The following MRTFA variants were observed in gnomAD, a reference collection of about 807,000 sequenced individuals.
MRTFA encodes the protein myocardin related transcription factor A, also known as myocardin-related transcription factor A.
Under a neutral mutation model 83.5 loss-of-function variants are expected in MRTFA, and 20 were observed. That is an observed-to-expected ratio of 0.24 (90% CI 0.17 to 0.35). MRTFA has a LOEUF of 0.35. Ranked by LOEUF, MRTFA falls within the 10% of genes least tolerant of loss-of-function variation. The pLI, the probability that MRTFA is intolerant of heterozygous loss-of-function variation, is 1.00. For missense variants in MRTFA, 1,200 were observed against 1,224.7 expected (o/e 0.98, Z 0.30); for synonymous variants, 659 against 541.2 (o/e 1.22, Z -3.02).
At chr22:40,528,097 G>GT (rs1242707895) in intron 3 of MRTFA, among the ~76,000 whole-genome samples, 1 of 152,164 alleles carries the variant, frequency 6.6e-6, no homozygotes, top group Admixed American at 6.5e-5. Flanking sequence ...CATCATTAAA[G>GT]TATGAGATCA....
chr22:40,587,790 T>C (rs1347628482), intron 2 of MRTFA: 2 of 340,144 alleles, frequency 5.9e-6, no homozygotes, highest in Non-Finnish European at 5.8e-6. Context: ...GACCCAACTC[T>C]GCCAGTACCC....
intron 3 of MRTFA, among the ~76,000 whole-genome samples, chr22:40,497,084 C>G (rs983660692): frequency 6.6e-6 from 1 of 152,202 alleles, no homozygotes; most frequent in African/African-American, 2.4e-5. Context: ...ATGGAGTTGA[C>G]ACTACAGGCT....
At chr22:40,538,434 A>G (rs1018987046) in intron 3 of MRTFA, among the ~76,000 whole-genome samples, 3 of 151,040 alleles carry the variant, frequency 2.0e-5, no homozygotes, top group Non-Finnish European at 3.0e-5. Flanking sequence ...ACACTGCAGA[A>G]GGCCGCAGGG....
chr22:40,512,190 G>A (rs2054679291), intron 3 of MRTFA, among the ~76,000 whole-genome samples: 1 of 152,160 alleles, frequency 6.6e-6, no homozygotes. Flanking sequence ...GGCTAAAAGA[G>A]ATTAAGATCA....
rs1415767629 is a variant in MRTFA at position 40,420,990 on chromosome 22, C to T, written c.1038G>A (p.Gln346=). 1.2e-6 allele frequency: 2 copies of T among 1,609,254 alleles called. No individual in the cohort carries two copies. The highest frequency in any genetic ancestry group is 2.7e-5 in the African/African-American group (2 of 74,998). Reference sequence around the variant, plus strand: ...TGGGGGGTGCCCCCCTGTCCTGCTTCTGGTCCGGGGGGATGTACTGGTGGT... The same window carrying T: ...TGGGGGGTGCCCCCCTGTCCTGCTTTTGGTCCGGGGGGATGTACTGGTGGT... Residue 346 remains glutamine, a synonymous_variant, in exon 10 of 15, where the codon CAG becomes CAA. Transcript: ENST00000355630.
intron 7 of MRTFA, among the ~76,000 whole-genome samples, chr22:40,428,611 G>A (rs533573154): frequency 5.3e-5 from 8 of 152,104 alleles, no homozygotes; most frequent in Admixed American, 2.6e-4. Flanking sequence ...ACTCTTGGAC[G>A]CAAGCGATCT....
At chr22:40,605,958 G>A (rs2147403527) in intron 1 of MRTFA, among the ~76,000 whole-genome samples, 1 of 152,284 alleles carries the variant, frequency 6.6e-6, no homozygotes, top group South Asian at 2.1e-4. Flanking sequence ...TCAGCTTCTT[G>A]ATTGAAAGGA....
At position 40,418,946 on chromosome 22, in the gene MRTFA, C is replaced by A. The variant is rs199750225; in HGVS notation, c.1792G>T (p.Val598Leu). 9 of 1,612,886 alleles carry A rather than the reference C, an allele frequency of 5.6e-6. No individual in the cohort carries two copies. The highest frequency in any genetic ancestry group is 6.8e-6 in the Non-Finnish European group (8 of 1,179,942). ...CCGGCCCGGGGGCCCTCCTCCTTCACGAGGATCTGCAGTGGCGAGGCCTGC... is the reference window on the plus strand; with the variant it reads ...CCGGCCCGGGGGCCCTCCTCCTTCAAGAGGATCTGCAGTGGCGAGGCCTGC... Residue 598 changes from valine (V) to leucine (L), a missense_variant, in exon 12 of 15, where the codon GTG becomes TTG. Physicochemically the swap from Val to Leu is conservative, Grantham distance 32. Transcript: ENST00000355630.
intron 4 of MRTFA, among the ~76,000 whole-genome samples, chr22:40,436,635 T>C (rs2053175266): frequency 6.6e-6 from 1 of 152,182 alleles, no homozygotes; most frequent in South Asian, 2.1e-4. Context: ...TGACTCCTTT[T>C]GTCAAAAACT....
chr22:40,570,151 T>G (rs555150194), intron 2 of MRTFA, among the ~76,000 whole-genome samples: 158 of 152,192 alleles, frequency 1.0e-3, no homozygotes, highest in African/African-American at 3.7e-3. Flanking sequence ...ATACATAAGT[T>G]TTAGCTAAAT....
At chr22:40,469,865 G>T (rs1170754684) in intron 3 of MRTFA, among the ~76,000 whole-genome samples, 1 of 152,042 alleles carries the variant, frequency 6.6e-6, no homozygotes, top group Non-Finnish European at 1.5e-5. Context: ...ATCGCTTGAG[G>T]CCAGGAGTCA....
At chr22:40,423,266 A>T (rs2052880306) in intron 9 of MRTFA, among the ~76,000 whole-genome samples, 1 of 152,182 alleles carries the variant, frequency 6.6e-6, no homozygotes, top group African/African-American at 2.4e-5. Flanking sequence ...AGTGAACAAG[A>T]CATAATGTGT....
At chr22:40,494,516 C>T (rs2054318862) in intron 3 of MRTFA, among the ~76,000 whole-genome samples, 1 of 151,874 alleles carries the variant, frequency 6.6e-6, no homozygotes, top group Admixed American at 6.6e-5. Context: ...CTCTTCTCTA[C>T]AAAAACCTTA....
At chr22:40,474,955 C>A (rs764105653) in intron 3 of MRTFA, among the ~76,000 whole-genome samples, 7 of 152,090 alleles carry the variant, frequency 4.6e-5, no homozygotes, top group Non-Finnish European at 1.0e-4. Context: ...TCTCCTGCCT[C>A]AGCCATCCGA....
At chr22:40,494,592 C>A (rs2054320076) in intron 3 of MRTFA, among the ~76,000 whole-genome samples, 1 of 151,522 alleles carries the variant, frequency 6.6e-6, no homozygotes, top group Non-Finnish European at 1.5e-5. Flanking sequence ...AAGGTAGGAG[C>A]ATCACTCGAG....
At chr22:40,430,829 C>A (rs1035644779) in intron 6 of MRTFA, among the ~76,000 whole-genome samples, 1 of 145,020 alleles carries the variant, frequency 6.9e-6, no homozygotes, top group Non-Finnish European at 1.5e-5. Flanking sequence ...CTACTGCACT[C>A]CAGCCTGAGC....
rs915026608 is a variant in MRTFA at position 40,601,883 on chromosome 22, T to C, written c.-83-7148A>G. Among the ~76,000 whole-genome samples the C allele has an allele frequency of 2.0e-5, 3 of 152,120 alleles. No individual in the cohort carries two copies. In the East Asian group the frequency reaches 5.8e-4, roughly 29 times the overall value. ...TCACAATCAGAGGTAGGGGGTCAAA[T>C]CTCAGTAAATGAGGAAGAATAACAA... On this transcript the variant is annotated intron_variant, in intron 1 of 14. Transcript: ENST00000355630.
chr22:40,463,985 A>T (rs1187889263), intron 3 of MRTFA, among the ~76,000 whole-genome samples: 1 of 151,978 alleles, frequency 6.6e-6, no homozygotes, highest in African/African-American at 2.4e-5. Flanking sequence ...AAAACTTAAT[A>T]GGGATTTTTT....
intron 3 of MRTFA, among the ~76,000 whole-genome samples, chr22:40,495,674 G>T (rs554735219): frequency 7.0e-6 from 1 of 142,510 alleles, no homozygotes; most frequent in South Asian, 2.2e-4. Flanking sequence ...CAGGAGAGTC[G>T]CTTGAACCGG....
Sources: allele counts gnomAD v4.1 joint callset (sites outside exome capture counted in the v4.1 genomes callset), GRCh38; gene constraint gnomAD v4.1.1; transcripts MANE v1.5; gene names NCBI Gene and HGNC (gene_info 2026-07-23, HGNC 2026-07-21).